SLC2A14: variants seen among roughly 807,000 people sequenced by gnomAD.
SLC2A14 encodes the protein solute carrier family 2 member 14, also known as solute carrier family 2, facilitated glucose transporter member 14.
SLC2A14 carries 13 observed loss-of-function variants against 43.0 expected under a neutral mutation model. The ratio of observed to expected loss-of-function variants is 0.30; its 90% CI spans 0.20 to 0.48. The LOEUF is 0.48. Ranked by LOEUF, SLC2A14 falls within the 20% of genes least tolerant of loss-of-function variation. The probability of loss-of-function intolerance (pLI) is 0.99; values close to 1 mark genes in which losing one functional copy is unlikely to be tolerated. For missense variants in SLC2A14, 428 were observed against 620.4 expected, an observed-to-expected ratio of 0.69 and a Z score of 3.29; for synonymous variants, 190 against 233.8, an observed-to-expected ratio of 0.81 and a Z score of 1.71.
chr12:7,887,750 C>T (rs188471411), intron 1 of SLC2A14, among the ~76,000 whole-genome samples: 206 of 152,244 alleles, frequency 1.4e-3, no homozygotes, highest in African/African-American at 4.7e-3. Flanking sequence ...TATGCAAATC[C>T]TATCACTTGA....
In SLC2A14 at chr12:7,843,120, C is replaced by T. The variant is rs866597870; in HGVS notation, c.19-10306G>A. ...CCTCAAGCATTTATGCTTTGAGTTA[C>T]CCCCTCATCTTTTTAGACCCTCAGA... On this transcript the variant is annotated intron_variant, in intron 2 of 10. Transcript: ENST00000431042. 3.3e-5 allele frequency among the ~76,000 whole-genome samples: 5 copies of T among 151,938 alleles called. No individual in the cohort carries two copies. In the South Asian group the frequency reaches 8.3e-4, roughly 25 times the overall value.
intron 2 of SLC2A14, 111 bp from the exon 3 acceptor site, chr12:7,832,925 T>A: frequency 9.9e-7 from 1 of 1,005,596 alleles, no homozygotes; most frequent in Non-Finnish European, 1.5e-6. Context: ...ATGAGTGGTA[T>A]GAAAAGGACA....
intron 2 of SLC2A14, among the ~76,000 whole-genome samples, chr12:7,834,208 C>T (rs1213075515): frequency 6.6e-6 from 1 of 151,070 alleles, no homozygotes; most frequent in South Asian, 2.1e-4. Context: ...TCATTAGTCT[C>T]ATAACTTTCC....
chr12:7,870,322 G>T (rs1478517356), intron 1 of SLC2A14, among the ~76,000 whole-genome samples: 1 of 152,114 alleles, frequency 6.6e-6, no homozygotes, highest in Non-Finnish European at 1.5e-5. Context: ...ATTTAATGTG[G>T]TTTACCTTGC....
In SLC2A14 at chr12:7,843,295, C is replaced by T. The variant is rs755615943; in HGVS notation, c.19-10481G>A. On this transcript the variant is annotated intron_variant, in intron 2 of 10. Coordinates refer to ENST00000431042, the MANE Select transcript of SLC2A14 (RefSeq NM_001286234.2). ...AAGCCGGTGGGAAAACAGAGAATTTCCTGGAGGCATGGGAGGGGCACGCTG... is the reference window on the plus strand; with the variant it reads ...AAGCCGGTGGGAAAACAGAGAATTTTCTGGAGGCATGGGAGGGGCACGCTG... Among the ~76,000 whole-genome samples the T allele has an allele frequency of 6.7e-5, 10 of 149,636 alleles. No homozygotes were observed. The East Asian group carries it at 1.8e-3, about 27-fold the overall frequency.
At chr12:7,863,555 G>C (rs1047415845) in intron 2 of SLC2A14, 1 of 358,062 alleles carries the variant, frequency 2.8e-6, no homozygotes, top group African/African-American at 2.1e-5. Flanking sequence ...CCAGGACACA[G>C]AGGTTGCAGT....
In SLC2A14 at chr12:7,821,288, C is replaced by A. The variant is rs760021306; in HGVS notation, c.902G>T (p.Gly301Val). 3 of 1,613,846 alleles carry A rather than the reference C, an allele frequency of 1.9e-6. No individual in the cohort carries two copies. The highest frequency in any genetic ancestry group is 2.5e-6 in the Non-Finnish European group (3 of 1,179,876). The change falls in exon 8 of 11, where the codon GGT becomes GTT. Residue 301 changes from glycine to valine, a missense_variant. Gly to Val is a moderately radical substitution (Grantham distance 109). Coordinates refer to ENST00000431042, the MANE Select transcript of SLC2A14 (RefSeq NM_001286234.2). ...GGTGGCATAGATGGGCTGTTGAACA[C>A]CTGCATCCTTGAAGATTCCTGTTGA... is the stretch of plus-strand genomic sequence containing the variant. ...YYSTGIFKDA[G>V]VQQPIYATIS...
At position 7,832,799 on chromosome 12, in the gene SLC2A14, T is replaced by A; in HGVS notation, c.34A>T (p.Ile12Phe). 6.2e-7 allele frequency: 1 copy of A among 1,614,108 alleles called. No individual in the cohort carries two copies. Among genetic ancestry groups the A allele is most frequent in the Non-Finnish European group, 8.5e-7 (1 of 1,180,028 alleles). Residue 12 changes from isoleucine (I) to phenylalanine (F), a missense_variant, in exon 3 of 11, where the codon ATC becomes TTC. Around this residue, in one of 4 missense-constraint regions of SLC2A14, gnomAD observed 122 missense variants for 128.8 expected, o/e 0.95. Coordinates refer to ENST00000431042, the MANE Select transcript of SLC2A14 (RefSeq NM_001286234.2). ...ATTGTAGCAACTGTGATGGCAAAGA[T>A]CAGAGCTGGGGTGACCTGGAGAGAC... ...DNRQNVTPAL[I>F]FAITVATIGS...
At position 7,831,777 on chromosome 12, in the gene SLC2A14, A is replaced by G; in HGVS notation, c.112-13T>C. The G allele has an allele frequency of 6.2e-7, 1 of 1,614,060 alleles. No individual in the cohort carries two copies. The highest frequency in any genetic ancestry group is 8.5e-7 in the Non-Finnish European group (1 of 1,179,930). The stretch of plus-strand genomic sequence containing the variant: ...ATTCCTTTATGATCTGCAAAATAAA[A>G]GGTGGGAGGACAGACTATTACAGTT... On this transcript the variant is annotated splice_polypyrimidine_tract_variant and intron_variant, in intron 3 of 10. Coordinates refer to ENST00000431042, the MANE Select transcript of SLC2A14 (RefSeq NM_001286234.2).
chr12:7,850,418 C>T (rs1037962653), intron 2 of SLC2A14, among the ~76,000 whole-genome samples: 3 of 151,924 alleles, frequency 2.0e-5, no homozygotes, highest in Non-Finnish European at 2.9e-5. Context: ...TTTTTTGAGA[C>T]GGAGTCTCGC....
intron 2 of SLC2A14, among the ~76,000 whole-genome samples, chr12:7,859,275 A>G (rs1387671160): frequency 2.6e-5 from 4 of 152,134 alleles, no homozygotes; most frequent in Non-Finnish European, 4.4e-5. Context: ...CTGTAATCCC[A>G]GCTACTCAGG....
chr12:7,849,071 C>T (rs1300527946), intron 2 of SLC2A14, among the ~76,000 whole-genome samples: 1 of 151,332 alleles, frequency 6.6e-6, no homozygotes, highest in Admixed American at 6.6e-5. Context: ...CCAGGCTGGT[C>T]TGGCACTCCT....
intron 2 of SLC2A14, 130 bp from the exon 3 acceptor site, chr12:7,832,944 A>C (rs185287168): frequency 9.9e-5 from 79 of 796,534 alleles, no homozygotes; most frequent in Non-Finnish European, 6.0e-6. Flanking sequence ...CAAACATCAA[A>C]CGAGATTTAG....
chr12:7,886,973 G>T (rs773816519), intron 1 of SLC2A14, among the ~76,000 whole-genome samples: 1 of 148,140 alleles, frequency 6.8e-6, no homozygotes, highest in African/African-American at 2.5e-5. Context: ...GTGCAATGGC[G>T]CGATCTCGGC....
rs368154018 is a variant in SLC2A14 at position 7,831,643 on chromosome 12, C to T, written c.233G>A (p.Gly78Asp). The change falls in exon 4 of 11, where the codon GGC becomes GAC. Residue 78 changes from glycine (G) to aspartate (D), a missense_variant. By Grantham distance (94) the Gly-to-Asp change is moderately conservative. Coordinates refer to ENST00000431042, the MANE Select transcript of SLC2A14 (RefSeq NM_001286234.2). The part of the protein sequence containing the change: ...VAIFSVGGMI[G>D]SFSVGLFVNR... Reference sequence around the variant, plus strand: ...AACAAAGAGTCCGACGGAAAAGGAGCCGATCATACCCCCGACGGAAAATAT... The same window carrying T: ...AACAAAGAGTCCGACGGAAAAGGAGTCGATCATACCCCCGACGGAAAATAT... The T allele has an allele frequency of 1.2e-6, 2 of 1,614,052 alleles. No individual in the cohort carries two copies. The highest frequency in any genetic ancestry group is 2.7e-5 in the African/African-American group (2 of 74,918).
chr12:7,856,775 T>A (rs1290373802), intron 2 of SLC2A14, among the ~76,000 whole-genome samples: 1 of 151,982 alleles, frequency 6.6e-6, no homozygotes, highest in Non-Finnish European at 1.5e-5. Flanking sequence ...AGTCACAATT[T>A]CAGCAGAGTG....
intron 2 of SLC2A14, among the ~76,000 whole-genome samples, chr12:7,859,516 A>G (rs752126058): frequency 3.9e-5 from 6 of 152,088 alleles, no homozygotes; most frequent in African/African-American, 1.2e-4. Context: ...GGTATTAACC[A>G]TGGGAATAAA....
chr12:7,840,537 A>G (rs1865865778), intron 2 of SLC2A14, among the ~76,000 whole-genome samples: 1 of 151,400 alleles, frequency 6.6e-6, no homozygotes, highest in Non-Finnish European at 1.5e-5. Flanking sequence ...CCGCCACCAC[A>G]CCCACACCCA....
intron 2 of SLC2A14, among the ~76,000 whole-genome samples, chr12:7,836,984 T>C (rs1419683925): frequency 6.6e-6 from 1 of 151,566 alleles, no homozygotes; most frequent in South Asian, 2.1e-4. Flanking sequence ...CGGGCCAATA[T>C]AGTGAAACCC....
Sources: gnomAD v4.1 joint callset for allele counts (sites outside exome capture counted in the v4.1 genomes callset) on GRCh38, gnomAD v4.1.1 for gene constraint, gnomAD v4.1.1 regional missense constraint, MANE v1.5 for transcripts, NCBI Gene and HGNC (gene_info 2026-07-23, HGNC 2026-07-21) for gene names.